Variants in CCDC141 observed in about 807,000 individuals in gnomAD.
CCDC141 encodes coiled-coil domain containing 141, also known as coiled-coil domain-containing protein 141.
Under a neutral mutation model 181.0 loss-of-function variants are expected in CCDC141, and 168 were observed. That is an observed-to-expected ratio of 0.93 (90% CI 0.82 to 1.05). CCDC141 has a LOEUF of 1.05. Ranked by LOEUF, CCDC141 falls within the 50% of genes least tolerant of loss-of-function variation. The pLI is 0.00. For missense variants in CCDC141, 1,902 were observed against 1,788.5 expected, an observed-to-expected ratio of 1.06 and a Z score of -1.14; for synonymous variants, 666 against 642.3, an observed-to-expected ratio of 1.04 and a Z score of -0.56.
At chr2:178,836,243 G>A in intron 23 of CCDC141, 1 of 152,118 alleles carries the variant, frequency 6.6e-6, no homozygotes, top group East Asian at 1.9e-4. Context: ...CTGAAAAAAA[G>A]AGGCTAAAAA....
chr2:178,905,293 G>A, intron 8 of CCDC141, 36 bp downstream of exon 8: 1 of 1,506,094 alleles, frequency 6.6e-7, no homozygotes, highest in South Asian at 1.3e-5. Context: ...CTGTGAAAAA[G>A]CTTGTTACAC....
At chr2:178,888,820 A>G (rs759911874) in intron 8 of CCDC141, among the ~76,000 whole-genome samples, 152 bp from the exon 9 acceptor site, 30 of 152,226 alleles carry the variant, frequency 2.0e-4, no homozygotes, top group Non-Finnish European at 3.5e-4. Context: ...TCGGCATAGC[A>G]GGAAGCAAAA....
intron 6 of CCDC141, among the ~76,000 whole-genome samples, chr2:178,942,828 A>C (rs1278027888): frequency 2.0e-5 from 3 of 152,170 alleles, no homozygotes; most frequent in Non-Finnish European, 4.4e-5. Flanking sequence ...TGCTCTAAAA[A>C]TAGTCTTTTA....
chr2:179,000,077 C>T (rs2041922406), intron 2 of CCDC141, among the ~76,000 whole-genome samples: 1 of 151,594 alleles, frequency 6.6e-6, no homozygotes, highest in Non-Finnish European at 1.5e-5. Context: ...CACACACACA[C>T]ACACACACAC....
intron 11 of CCDC141, among the ~76,000 whole-genome samples, chr2:178,881,923 A>T (rs373014442): frequency 0.16 from 20,187 of 126,564 alleles, 1,601 homozygotes; most frequent in Middle Eastern, 0.19. Flanking sequence ...TCTCACACAC[A>T]CACACACACA....
intron 2 of CCDC141, among the ~76,000 whole-genome samples, chr2:179,046,814 G>C (rs570602756): frequency 6.6e-6 from 1 of 152,086 alleles, no homozygotes; most frequent in Non-Finnish European, 1.5e-5. Flanking sequence ...AGTATGTCTG[G>C]TTTTACCAGA....
At chr2:178,925,080 T>C (rs1017204717) in intron 6 of CCDC141, among the ~76,000 whole-genome samples, 1 of 152,216 alleles carries the variant, frequency 6.6e-6, no homozygotes, top group Non-Finnish European at 1.5e-5. Flanking sequence ...CTGGATTTCA[T>C]GCCCTCCTAA....
chr2:178,839,014 G>A (rs1413257799), intron 22 of CCDC141, among the ~76,000 whole-genome samples: 1 of 152,148 alleles, frequency 6.6e-6, no homozygotes, highest in African/African-American at 2.4e-5. Context: ...ACTGGTTTTT[G>A]TCCTGCAGTA....
chr2:179,038,480 T>TTGTACATA (rs2043204587), intron 2 of CCDC141, among the ~76,000 whole-genome samples: 2 of 152,194 alleles, frequency 1.3e-5, no homozygotes, highest in African/African-American at 4.8e-5. Context: ...TGCCACTGAA[T>TTGTACATA]TGTACATATA....
In CCDC141 at chr2:178,878,478, A is replaced by ATTTTTT. The variant is rs766496516; in HGVS notation, c.1720-341_1720-336dup. Among the ~76,000 whole-genome samples, 79 of 114,608 alleles carry ATTTTTT rather than the reference A, an allele frequency of 6.9e-4. 2 individuals carry two copies. The highest frequency in any genetic ancestry group is 1.7e-3 in the African/African-American group (49 of 28,432). 75.2% of individuals were successfully genotyped at this position (114,608 alleles called of 152,430 possible). On this transcript the variant is annotated intron_variant, in intron 11 of 23. Coordinates refer to ENST00000443758, the MANE Select transcript of CCDC141 (RefSeq NM_173648.4). ...AGGCACCCGGCACCAGGCCTGGCTA[A>ATTTTTT]TTTTTTTTTTTTTTTTTTTTGGTAG...
chr2:178,881,939 A>T (rs1418271276), intron 11 of CCDC141, among the ~76,000 whole-genome samples: 12 of 151,054 alleles, frequency 7.9e-5, no homozygotes, highest in African/African-American at 2.7e-4. Context: ...ACACACACAC[A>T]CACACACACA....
chr2:178,836,872 C>A (rs1318361004), intron 23 of CCDC141, 22 bp downstream of exon 23: 8 of 1,580,804 alleles, frequency 5.1e-6, no homozygotes, highest in Non-Finnish European at 6.0e-6. Context: ...CCATTTATGG[C>A]TTGTCATTAT....
intron 2 of CCDC141, among the ~76,000 whole-genome samples, chr2:178,998,598 C>T (rs1029838442): frequency 6.6e-6 from 1 of 152,072 alleles, no homozygotes; most frequent in African/African-American, 2.4e-5. Context: ...TTGGTCAACG[C>T]CAGTAATCTT....
chr2:179,040,534 C>T (rs2043267919), intron 2 of CCDC141, among the ~76,000 whole-genome samples: 1 of 152,182 alleles, frequency 6.6e-6, no homozygotes, highest in South Asian at 2.1e-4. Context: ...TCCCTCCTCC[C>T]ACCTCCCACC....
Position 178,978,624 on chromosome 2 carries a change from C to T in CCDC141, c.277G>A (p.Glu93Lys). 3 of 1,548,622 alleles carry T rather than the reference C, an allele frequency of 1.9e-6. No individual in the cohort carries two copies. The highest frequency in any genetic ancestry group is 2.6e-6 in the Non-Finnish European group (3 of 1,146,090). The change falls in exon 3 of 24, where the codon GAA becomes AAA. Residue 93 changes from glutamate (E) to lysine (K), a missense_variant. Coordinates refer to ENST00000443758, the MANE Select transcript of CCDC141 (RefSeq NM_173648.4). ...ACCTGACTCTGATCCTTGTTCTCTT[C>T]AGCTGTCTTGTCTGCTTCCTGCAAG... Reference protein sequence around the residue: ...ELLQEADKTAEENKDQSQVYD... With the variant: ...ELLQEADKTAKENKDQSQVYD...
At chr2:178,849,079 C>G (rs1417490580) in intron 21 of CCDC141, among the ~76,000 whole-genome samples, 1 of 152,050 alleles carries the variant, frequency 6.6e-6, no homozygotes, top group East Asian at 1.9e-4. Flanking sequence ...TGGGCACCCA[C>G]TGAATTAAAA....
chr2:178,848,056 C>T (rs1685013853), intron 21 of CCDC141, among the ~76,000 whole-genome samples: 1 of 152,154 alleles, frequency 6.6e-6, no homozygotes, highest in Non-Finnish European at 1.5e-5. Context: ...CCAGGATGGA[C>T]TAAGACAGGT....
intron 3 of CCDC141, among the ~76,000 whole-genome samples, chr2:178,975,552 G>A (rs1691082704): frequency 6.6e-6 from 1 of 152,082 alleles, no homozygotes; most frequent in Non-Finnish European, 1.5e-5. Context: ...AGTTAGCTAA[G>A]GGAAACCAAG....
At chr2:178,949,528 G>T (rs1443130781) in intron 5 of CCDC141, among the ~76,000 whole-genome samples, 3 of 152,178 alleles carry the variant, frequency 2.0e-5, no homozygotes, top group Non-Finnish European at 4.4e-5. Context: ...AGAAAGAAAG[G>T]ATTCTGGAGA....
Sources: gnomAD v4.1 joint callset for allele counts (sites outside exome capture counted in the v4.1 genomes callset) on GRCh38, gnomAD v4.1.1 for gene constraint, MANE v1.5 for transcripts, NCBI Gene and HGNC (gene_info 2026-07-23, HGNC 2026-07-21) for gene names.